Variants in XIRP2 observed in about 807,000 individuals in gnomAD.
XIRP2 encodes xin actin binding repeat containing 2.
Under a neutral mutation model 277.0 loss-of-function variants are expected in XIRP2, and 236 were observed. That is an observed-to-expected ratio of 0.85 (90% CI 0.77 to 0.95). The LOEUF (loss-of-function observed/expected upper bound fraction) is 0.95. Ranked by LOEUF, XIRP2 falls within the 40% of genes least tolerant of loss-of-function variation. The pLI, the probability that XIRP2 is intolerant of heterozygous loss-of-function variation, is 0.00. For synonymous variants in XIRP2, 1,490 were observed against 1,416.5 expected, an observed-to-expected ratio of 1.05 and a Z score of -1.17; for missense variants, 4,640 against 4,157.5, an observed-to-expected ratio of 1.12 and a Z score of -3.19.
intron 3 of XIRP2, among the ~76,000 whole-genome samples, chr2:167,204,360 C>T (rs1036180343): frequency 6.6e-6 from 1 of 152,078 alleles, no homozygotes; most frequent in Non-Finnish European, 1.5e-5. Context: ...TGTTGTTTGG[C>T]TTTTCCTTCA....
intron 3 of XIRP2, among the ~76,000 whole-genome samples, chr2:167,156,637 AT>A (rs1013426465): frequency 2.2e-4 from 33 of 152,332 alleles, no homozygotes; most frequent in Admixed American, 1.9e-3. Flanking sequence ...ATGATTTCCC[AT>A]TTTGACAAAA....
In XIRP2 at chr2:167,234,834, T is replaced by C. The variant is rs1421261526; in HGVS notation, c.859-5021T>C. On this transcript the variant is annotated intron_variant, in intron 5 of 10. Transcript: ENST00000409195. ...ATGAAGATAAATAATTGTCTTTCAG[T>C]GTCATCATAAATATCTCAACATAGT... 2.0e-5 allele frequency among the ~76,000 whole-genome samples: 3 copies of C among 151,938 alleles called. No homozygotes were observed. The East Asian group carries it at 5.8e-4, about 29-fold the overall frequency.
At chr2:167,024,894 A>G (rs544611611) in intron 2 of XIRP2, among the ~76,000 whole-genome samples, 3 of 152,216 alleles carry the variant, frequency 2.0e-5, no homozygotes, top group African/African-American at 7.2e-5. Context: ...ATGTTCATCA[A>G]AGATATTGGT....
At chr2:166,898,069 G>C (rs184839091) in intron 1 of XIRP2, among the ~76,000 whole-genome samples, 1 of 152,060 alleles carries the variant, frequency 6.6e-6, no homozygotes, top group East Asian at 1.9e-4. Context: ...TCCTGGCCCA[G>C]GCTATAAGAT....
intron 2 of XIRP2, among the ~76,000 whole-genome samples, chr2:167,060,117 G>T (rs960029192): frequency 1.3e-5 from 2 of 152,092 alleles, no homozygotes; most frequent in African/African-American, 4.8e-5. Flanking sequence ...CAGAACTTTA[G>T]AAAATATACA....
intron 2 of XIRP2, among the ~76,000 whole-genome samples, chr2:166,956,297 G>T (rs1686159710): frequency 6.6e-6 from 1 of 151,828 alleles, no homozygotes; most frequent in Non-Finnish European, 1.5e-5. Context: ...AGCTAGCAGT[G>T]AAGTTTTCAC....
chr2:166,975,586 A>G (rs1451815680), intron 2 of XIRP2, among the ~76,000 whole-genome samples: 1 of 152,180 alleles, frequency 6.6e-6, no homozygotes, highest in Non-Finnish European at 1.5e-5. Flanking sequence ...AGTTATATGA[A>G]TGTCCTACAT....
intron 2 of XIRP2, among the ~76,000 whole-genome samples, chr2:166,977,660 T>TA (rs1035477956): frequency 3.9e-5 from 6 of 151,956 alleles, no homozygotes; most frequent in African/African-American, 1.4e-4. Flanking sequence ...GGAAAAGGTA[T>TA]AAAAAAATGA....
At chr2:166,973,122 T>C (rs920780640) in intron 2 of XIRP2, among the ~76,000 whole-genome samples, 3 of 152,164 alleles carry the variant, frequency 2.0e-5, no homozygotes, top group Non-Finnish European at 4.4e-5. Flanking sequence ...ATTCACTCCT[T>C]TTCATAAGTT....
chr2:167,154,872 G>T (rs1692137195), intron 3 of XIRP2, among the ~76,000 whole-genome samples: 1 of 151,956 alleles, frequency 6.6e-6, no homozygotes, highest in African/African-American at 2.4e-5. Flanking sequence ...GAAGAAAAGA[G>T]AGAAGAATCA....
chr2:166,931,644 T>A (rs2105368953), intron 2 of XIRP2, among the ~76,000 whole-genome samples: 1 of 152,358 alleles, frequency 6.6e-6, no homozygotes, highest in South Asian at 2.1e-4. Flanking sequence ...TATAAGTATA[T>A]AATAATTTGC....
At chr2:167,060,987 C>G in intron 2 of XIRP2, among the ~76,000 whole-genome samples, 1 of 152,006 alleles carries the variant, frequency 6.6e-6, no homozygotes, top group Non-Finnish European at 1.5e-5. Context: ...GTTGAACCTT[C>G]CTATTTATGC....
intron 2 of XIRP2, among the ~76,000 whole-genome samples, chr2:167,064,691 C>T (rs1323857793): frequency 6.6e-6 from 1 of 151,784 alleles, no homozygotes; most frequent in Non-Finnish European, 1.5e-5. Flanking sequence ...TCTTGACAAC[C>T]ACCAATCTAC....
intron 2 of XIRP2, among the ~76,000 whole-genome samples, chr2:166,946,638 T>A: frequency 6.6e-6 from 1 of 152,086 alleles, no homozygotes; most frequent in East Asian, 1.9e-4. Flanking sequence ...TAAGTATTCA[T>A]GGAGAATGAT....
chr2:167,161,798 A>C (rs1176588259), intron 3 of XIRP2, among the ~76,000 whole-genome samples: 1 of 152,158 alleles, frequency 6.6e-6, no homozygotes, highest in Non-Finnish European at 1.5e-5. Flanking sequence ...TGCCAGCTTG[A>C]ATTTCTTCTC....
intron 2 of XIRP2, among the ~76,000 whole-genome samples, chr2:167,098,101 C>T (rs1690373093): frequency 6.6e-6 from 1 of 152,172 alleles, no homozygotes; most frequent in African/African-American, 2.4e-5. Flanking sequence ...GCCTGTCTTG[C>T]TAGGTTGGGG....
rs760805316 is a variant in XIRP2, at chr2:167,246,777, G to T, written c.5385G>T (p.Arg1795Ser). Residue 1795 changes from arginine to serine, a missense_variant, in exon 9 of 11, where the codon AGG (arginine) becomes AGT (serine). Physicochemically the swap from Arg to Ser is moderately radical, Grantham distance 110. Transcript: ENST00000409195. ...GTACAAAACTGTTACTGAAGAAAAG[G>T]CAGTCTCTGGTTGAACGTACTGTTA... ...VEGTKLLLKK[R>S]QSLVERTVSE... The T allele has an allele frequency of 6.2e-7, 1 of 1,613,658 alleles. No homozygotes were observed. The highest frequency in any genetic ancestry group is 8.5e-7 in the Non-Finnish European group (1 of 1,179,824).
intron 2 of XIRP2, among the ~76,000 whole-genome samples, chr2:167,023,682 A>C (rs1416759134): frequency 6.6e-6 from 1 of 152,174 alleles, no homozygotes; most frequent in Non-Finnish European, 1.5e-5. Flanking sequence ...ATGGCCAGCC[A>C]GTTTTCCCAG....
intron 3 of XIRP2, among the ~76,000 whole-genome samples, chr2:167,190,171 C>A (rs1693286764): frequency 6.6e-6 from 1 of 152,192 alleles, no homozygotes; most frequent in Non-Finnish European, 1.5e-5. Context: ...ACCAGTCTGG[C>A]AGCTCACCAA....
Sources: gnomAD v4.1 joint callset for allele counts (sites outside exome capture counted in the v4.1 genomes callset) on GRCh38, gnomAD v4.1.1 for gene constraint, MANE v1.5 for transcripts, NCBI Gene and HGNC (gene_info 2026-07-23, HGNC 2026-07-21) for gene names.